The following AFF2 variants were observed in gnomAD, a reference collection of about 807,000 sequenced individuals.
AFF2 encodes ALF transcription elongation factor 2, also known as AF4/FMR2 family member 2.
AFF2 carries 14 observed loss-of-function variants against 76.9 expected under a neutral mutation model. The observed-to-expected ratio is 0.18, with a 90% CI of 0.12 to 0.28. The LOEUF is 0.28. Among genes scored for constraint, AFF2 ranks in the 10% least tolerant of loss-of-function variants. The pLI is 1.00. For synonymous variants in AFF2, 398 were observed against 366.7 expected, an observed-to-expected ratio of 1.09 and a Z score of -0.98; for missense variants, 868 against 1,001.1, an observed-to-expected ratio of 0.87 and a Z score of 1.79.
chrX:148,900,011 C>T (rs1169935840), intron 8 of AFF2, among the ~76,000 whole-genome samples: 2 of 109,894 alleles, frequency 1.8e-5, no homozygotes, highest in Non-Finnish European at 3.8e-5. Flanking sequence ...TATTTTTAGT[C>T]CAATAGACAT....
intron 9 of AFF2, among the ~76,000 whole-genome samples, chrX:148,920,634 G>A (rs1557283096): frequency 9.6e-5 from 1 of 10,383 alleles, no homozygotes; most frequent in African/African-American, 1.0e-4. Context: ...GTGTGTGCGC[G>A]TGTGTGTGTG....
At chrX:148,891,915 T>G (rs1026239549) in intron 8 of AFF2, among the ~76,000 whole-genome samples, 1 of 112,188 alleles carries the variant, frequency 8.9e-6, no homozygotes, top group Non-Finnish European at 1.9e-5. Context: ...TTAGATGACT[T>G]CATTTAGCAC....
At chrX:148,898,315 G>A (rs1052161788) in intron 8 of AFF2, among the ~76,000 whole-genome samples, 5 of 112,309 alleles carry the variant, frequency 4.5e-5, no homozygotes, top group African/African-American at 9.7e-5. Context: ...TACTCAATGA[G>A]CAATGGGAAG....
chrX:148,810,375 G>T (rs1332015864), intron 4 of AFF2, among the ~76,000 whole-genome samples: 2 of 112,220 alleles, frequency 1.8e-5, no homozygotes, highest in Non-Finnish European at 3.8e-5. Flanking sequence ...GAAAATGATG[G>T]CATGTTGTGG....
At chrX:148,701,425 A>G (rs1313933780) in intron 3 of AFF2, among the ~76,000 whole-genome samples, 1 of 111,495 alleles carries the variant, frequency 9.0e-6, no homozygotes, top group Non-Finnish European at 1.9e-5. Flanking sequence ...AAATATGTTC[A>G]TTGTTCTAGA....
intron 3 of AFF2, among the ~76,000 whole-genome samples, chrX:148,750,959 A>G (rs1405806736): frequency 2.7e-5 from 3 of 111,830 alleles, no homozygotes; most frequent in African/African-American, 9.7e-5. Flanking sequence ...AGATATCCAT[A>G]TATCATTCTG....
At chrX:148,936,728 G>T (rs1390204375) in intron 9 of AFF2, among the ~76,000 whole-genome samples, 1 of 112,478 alleles carries the variant, frequency 8.9e-6, no homozygotes, top group African/African-American at 3.2e-5. Context: ...GTCACTGTGG[G>T]AAACGGGCTA....
intron 3 of AFF2, among the ~76,000 whole-genome samples, chrX:148,739,577 C>T (rs1260021414): frequency 9.0e-6 from 1 of 111,669 alleles, no homozygotes; most frequent in Non-Finnish European, 1.9e-5. Flanking sequence ...ACTTCTTATC[C>T]ATTCTGCGTT....
intron 7 of AFF2, 72 bp downstream of exon 7, chrX:148,843,505 C>T: frequency 2.7e-5 from 24 of 887,217 alleles, no homozygotes; most frequent in Non-Finnish European, 3.9e-5. Flanking sequence ...CAATGCTGAT[C>T]TAATCTTGTT....
intron 7 of AFF2, among the ~76,000 whole-genome samples, chrX:148,865,838 T>C (rs1379977963): frequency 8.9e-6 from 1 of 111,792 alleles, no homozygotes; most frequent in African/African-American, 3.3e-5. Flanking sequence ...GGCAGGAATC[T>C]TGTAGCTGAC....
Position 148,843,021 on chromosome X carries a change from CCTT to C in AFF2, c.1210+23_1210+25del. On this transcript the variant is annotated intron_variant, in intron 6 of 20. Transcript: ENST00000370460. The stretch of plus-strand genomic sequence containing the variant: ...TTACAAAGTAAGTGGTTTTGAAAAT[CCTT>C]CTTAGTCCAAACATCCATGTCCTCT... The C allele has an allele frequency of 8.4e-7, 1 of 1,185,993 alleles. No individual in the cohort carries two copies. Among genetic ancestry groups the C allele is most frequent in the Non-Finnish European group, 1.1e-6 (1 of 876,240 alleles).
chrX:148,584,114 T>A (rs1407668005), intron 1 of AFF2, among the ~76,000 whole-genome samples: 3 of 111,948 alleles, frequency 2.7e-5, no homozygotes, highest in Non-Finnish European at 3.8e-5. Flanking sequence ...TCTTTTCTTT[T>A]TGTAAAAAAA....
intron 3 of AFF2, among the ~76,000 whole-genome samples, chrX:148,691,310 T>G (rs1412151841): frequency 8.9e-6 from 1 of 112,488 alleles, no homozygotes; most frequent in African/African-American, 3.2e-5. Flanking sequence ...TTCGCAAGTA[T>G]GAAATCTAAG....
At chrX:148,905,329 G>A (rs2071396285) in intron 9 of AFF2, among the ~76,000 whole-genome samples, 1 of 112,054 alleles carries the variant, frequency 8.9e-6, no homozygotes, top group South Asian at 3.8e-4. Flanking sequence ...ATCTAGAGGG[G>A]CATCCGTAGT....
At chrX:148,862,647 A>G (rs1298794634) in intron 7 of AFF2, among the ~76,000 whole-genome samples, 2 of 111,571 alleles carry the variant, frequency 1.8e-5, no homozygotes, top group Non-Finnish European at 3.8e-5. Flanking sequence ...TAACTGATCT[A>G]TTATGAGAAG....
intron 9 of AFF2, among the ~76,000 whole-genome samples, chrX:148,926,229 G>A (rs1377898918): frequency 8.9e-6 from 1 of 112,133 alleles, no homozygotes; most frequent in Non-Finnish European, 1.9e-5. Flanking sequence ...AAGTCCAGAG[G>A]TGGGGAAGCA....
intron 1 of AFF2, among the ~76,000 whole-genome samples, chrX:148,561,508 T>C (rs1557240666): frequency 8.9e-6 from 1 of 112,116 alleles, no homozygotes. Context: ...GTGTCAGCTT[T>C]CAGTTGATGC....
intron 1 of AFF2, among the ~76,000 whole-genome samples, chrX:148,618,266 G>A (rs1230232085): frequency 1.8e-5 from 2 of 111,451 alleles, no homozygotes; most frequent in African/African-American, 3.3e-5. Flanking sequence ...CCAAGATTGG[G>A]TAATTCATAA....
At chrX:148,707,486 A>G in intron 3 of AFF2, among the ~76,000 whole-genome samples, 1 of 110,576 alleles carries the variant, frequency 9.0e-6, no homozygotes, top group Non-Finnish European at 1.9e-5. Context: ...AACTGAAAAT[A>G]ATATATATAT....
Sources: allele counts gnomAD v4.1 joint callset (sites outside exome capture counted in the v4.1 genomes callset), GRCh38; gene constraint gnomAD v4.1.1; transcripts MANE v1.5; gene names NCBI Gene and HGNC (gene_info 2026-07-23, HGNC 2026-07-21).